TPD52: variants seen among roughly 807,000 people sequenced by gnomAD.
The protein encoded by TPD52 is tumor protein D52, also known as prostate and colon associated protein.
In TPD52, 17 loss-of-function variants were observed where a neutral mutation model predicts 31.3. The ratio of observed to expected loss-of-function variants is 0.54; its 90% confidence interval spans 0.37 to 0.82. The LOEUF is 0.82. Among genes scored for constraint, TPD52 ranks in the 40% least tolerant of loss-of-function variants. The probability of loss-of-function intolerance (pLI) is 0.00; values close to 1 mark genes in which losing one functional copy is unlikely to be tolerated. For synonymous variants in TPD52, 83 were observed against 89.6 expected (o/e 0.93, Z 0.42); for missense variants, 212 against 240.1 (o/e 0.88, Z 0.77).
chr8:80,149,753 T>C (rs565677365), intron 1 of TPD52, among the ~76,000 whole-genome samples: 2 of 152,228 alleles, frequency 1.3e-5, no homozygotes, highest in South Asian at 4.1e-4. Flanking sequence ...TGGTGGCTTT[T>C]TGCCCTAGAG....
intron 2 of TPD52, among the ~76,000 whole-genome samples, 167 bp from the exon 3 acceptor site, chr8:80,053,597 C>T (rs957044922): frequency 1.3e-5 from 2 of 152,146 alleles, no homozygotes; most frequent in Non-Finnish European, 2.9e-5. Context: ...TGGTTACTTG[C>T]TGATCTCTCC....
chr8:80,096,966 G>A (rs998544641), intron 1 of TPD52, among the ~76,000 whole-genome samples: 1 of 152,166 alleles, frequency 6.6e-6, no homozygotes, highest in African/African-American at 2.4e-5. Context: ...AGTCTCTGTA[G>A]GCCAAAAACC....
chr8:80,119,138 C>T (rs1808067752), intron 1 of TPD52, among the ~76,000 whole-genome samples: 1 of 152,136 alleles, frequency 6.6e-6, no homozygotes, highest in South Asian at 2.1e-4. Flanking sequence ...CTGAAAACAT[C>T]ATGTGACGTG....
At chr8:80,160,721 G>A (rs954981670) in intron 1 of TPD52, among the ~76,000 whole-genome samples, 4 of 151,930 alleles carry the variant, frequency 2.6e-5, no homozygotes, top group African/African-American at 9.7e-5. Flanking sequence ...GGCCATCCAT[G>A]TCTCCTAGGC....
chr8:80,081,968 C>A (rs374131699), intron 1 of TPD52, among the ~76,000 whole-genome samples: 1 of 152,038 alleles, frequency 6.6e-6, no homozygotes, highest in African/African-American at 2.4e-5. Flanking sequence ...CCACTATGCC[C>A]GGCTAATTTT....
intron 1 of TPD52, among the ~76,000 whole-genome samples, chr8:80,121,836 T>G (rs1479624424): frequency 6.6e-6 from 1 of 152,168 alleles, no homozygotes; most frequent in African/African-American, 2.4e-5. Flanking sequence ...ATCCCTTTCT[T>G]TATTCATTTA....
intron 1 of TPD52, among the ~76,000 whole-genome samples, chr8:80,151,310 A>G (rs1810552041): frequency 6.6e-6 from 1 of 152,248 alleles, no homozygotes; most frequent in South Asian, 2.1e-4. Context: ...GCATGTCTTT[A>G]TTAGCAATGT....
At chr8:80,102,604 G>A (rs1806823095) in intron 1 of TPD52, among the ~76,000 whole-genome samples, 1 of 152,200 alleles carries the variant, frequency 6.6e-6, no homozygotes, top group South Asian at 2.1e-4. Flanking sequence ...ACATCGTGTT[G>A]TGATATTGCA....
intron 1 of TPD52, among the ~76,000 whole-genome samples, chr8:80,162,847 GC>G (rs1811448692): frequency 6.6e-6 from 1 of 152,028 alleles, no homozygotes; most frequent in African/African-American, 2.4e-5. Context: ...GATCACTTGA[GC>G]CCAGGAGTTC....
intron 2 of TPD52, among the ~76,000 whole-genome samples, chr8:80,056,829 A>G (rs1811942977): frequency 6.6e-6 from 1 of 152,180 alleles, no homozygotes; most frequent in Admixed American, 6.5e-5. Context: ...GAGCTACCAT[A>G]TGACCCAGCA....
intron 1 of TPD52, among the ~76,000 whole-genome samples, chr8:80,086,082 G>A (rs989227665): frequency 2.7e-5 from 3 of 111,444 alleles, no homozygotes; most frequent in African/African-American, 1.0e-4. Flanking sequence ...GGGTTTTGTT[G>A]TTGCTTCGGG....
At chr8:80,147,430 A>C (rs1464532538) in intron 1 of TPD52, among the ~76,000 whole-genome samples, 3 of 152,336 alleles carry the variant, frequency 2.0e-5, no homozygotes, top group African/African-American at 7.2e-5. Flanking sequence ...CTCTCAACAG[A>C]GTTCAGCTGG....
chr8:80,140,950 C>CGTGTGTGTGTGTGT (rs142097159), intron 1 of TPD52, among the ~76,000 whole-genome samples: 2,864 of 143,718 alleles, frequency 0.02, 65 homozygotes, highest in African/African-American at 0.05. Flanking sequence ...CAATACAACT[C>CGTGTGTGTGTGTGT]GTGTGTGTGT....
At chr8:80,138,171 G>A (rs1343629813) in intron 1 of TPD52, among the ~76,000 whole-genome samples, 1 of 151,940 alleles carries the variant, frequency 6.6e-6, no homozygotes. Context: ...GTGAACTCCC[G>A]ACCTCAGGTG....
At chr8:80,142,519 G>A (rs760750900) in intron 1 of TPD52, among the ~76,000 whole-genome samples, 4 of 152,176 alleles carry the variant, frequency 2.6e-5, no homozygotes, top group Non-Finnish European at 4.4e-5. Flanking sequence ...ACTTTGGGAG[G>A]CCAAGAGTTC....
intron 1 of TPD52, among the ~76,000 whole-genome samples, chr8:80,156,920 G>A (rs1811012737): frequency 6.6e-6 from 1 of 152,038 alleles, no homozygotes; most frequent in Non-Finnish European, 1.5e-5. Context: ...AGAATGGGAG[G>A]GCTGGTACAA....
chr8:80,076,456 G>T (rs1814549850), intron 1 of TPD52, among the ~76,000 whole-genome samples: 1 of 151,918 alleles, frequency 6.6e-6, no homozygotes, highest in South Asian at 2.1e-4. Flanking sequence ...AAAATGATGA[G>T]AACACATGGA....
intron 1 of TPD52, among the ~76,000 whole-genome samples, chr8:80,142,040 A>ATCG (rs1809868499): frequency 7.2e-6 from 1 of 138,058 alleles, no homozygotes. Context: ...TAGGTCTATC[A>ATCG]AAATTCTGAA....
At chr8:80,070,971 A>G (rs1241361713) in intron 1 of TPD52, among the ~76,000 whole-genome samples, 3 of 152,218 alleles carry the variant, frequency 2.0e-5, no homozygotes, top group Non-Finnish European at 4.4e-5. Context: ...AGGAAATTTG[A>G]ACGCAGAGAC....
Sources: gnomAD v4.1 joint callset for allele counts (sites outside exome capture counted in the v4.1 genomes callset) on GRCh38, gnomAD v4.1.1 for gene constraint, MANE v1.5 for transcripts, NCBI Gene and HGNC (gene_info 2026-07-23, HGNC 2026-07-21) for gene names.